NEMP2: variants seen among roughly 807,000 people sequenced by gnomAD.
NEMP2 encodes the protein UPF0571 transmembrane protein.
In NEMP2, 53 loss-of-function variants were observed where a neutral mutation model predicts 54.2. The ratio of observed to expected loss-of-function variants is 0.98; its 90% confidence interval spans 0.78 to 1.23. NEMP2 has a LOEUF of 1.23. Ranked by LOEUF, NEMP2 falls within the 50% of genes most tolerant of loss-of-function variation. NEMP2 has a pLI of 0.00. For synonymous variants in NEMP2, 197 were observed against 190.3 expected, an observed-to-expected ratio of 1.04 and a Z score of -0.29; for missense variants, 455 against 511.3, an observed-to-expected ratio of 0.89 and a Z score of 1.06.
At chr2:190,627,392 C>A in the NEMP2 span, among the ~76,000 whole-genome samples, 1 of 152,186 alleles carries the variant, frequency 6.6e-6, no homozygotes, top group African/African-American at 2.4e-5. The surrounding 1 kb of genome is among the most constrained non-coding windows in gnomAD (Gnocchi z 4.4). Context: ...CTGATTTACT[C>A]TGACCATTCA....
At chr2:190,439,737 C>T in the NEMP2 span, among the ~76,000 whole-genome samples, 1 of 152,234 alleles carries the variant, frequency 6.6e-6, no homozygotes, top group African/African-American at 2.4e-5. This position sits in a 1 kb window ranked among gnomAD's most constrained non-coding sequence, Gnocchi z 5.8. Flanking sequence ...GGTCATATTG[C>T]TCCCAAGAGT....
At chr2:190,440,917 GA>G in the NEMP2 span, among the ~76,000 whole-genome samples, 1 of 152,188 alleles carries the variant, frequency 6.6e-6, no homozygotes, top group South Asian at 2.1e-4. Context: ...GCTGCAGGAT[GA>G]ACCAGAACAG....
chr2:190,642,988 C>CT, the NEMP2 span, among the ~76,000 whole-genome samples: 3 of 78,036 alleles, frequency 3.8e-5, no homozygotes, highest in Non-Finnish European at 7.7e-5. The surrounding 1 kb of genome is among the most constrained non-coding windows in gnomAD (Gnocchi z 4.1). Flanking sequence ...TCACTGAAAA[C>CT]TTTTTTTTAG....
chr2:190,445,861 A>T, the NEMP2 span, among the ~76,000 whole-genome samples: 1 of 151,920 alleles, frequency 6.6e-6, no homozygotes, highest in African/African-American at 2.4e-5. Context: ...AAAGAAGGTC[A>T]TTTTTTTTCC....
At chr2:190,594,726 C>T in the NEMP2 span, among the ~76,000 whole-genome samples, 1 of 152,138 alleles carries the variant, frequency 6.6e-6, no homozygotes. The surrounding 1 kb of genome is among the most constrained non-coding windows in gnomAD (Gnocchi z 5.6). Context: ...TGCCAGTACA[C>T]CCGGCTAATA....
At chr2:190,436,165 A>G in the NEMP2 span, 1 of 1,614,194 alleles carries the variant, frequency 6.2e-7, no homozygotes, top group South Asian at 1.1e-5. The surrounding 1 kb of genome is among the most constrained non-coding windows in gnomAD (Gnocchi z 5.3). Context: ...CTCCACAGAA[A>G]CATCTGCTAT....
chr2:190,464,258 G>A, the NEMP2 span, among the ~76,000 whole-genome samples: 3 of 152,110 alleles, frequency 2.0e-5, no homozygotes, highest in Non-Finnish European at 4.4e-5. Flanking sequence ...TCTTTCATTT[G>A]TATCCAGTGT....
the NEMP2 span, among the ~76,000 whole-genome samples, chr2:190,561,165 C>G: frequency 6.6e-6 from 1 of 152,144 alleles, no homozygotes; most frequent in South Asian, 2.1e-4. This position sits in a 1 kb window ranked among gnomAD's most constrained non-coding sequence, Gnocchi z 5.4. Flanking sequence ...TTCTCTGTGG[C>G]CTTCCCTCCT....
At chr2:190,575,787 C>T in the NEMP2 span, among the ~76,000 whole-genome samples, 135 of 151,530 alleles carry the variant, frequency 8.9e-4, 1 homozygote, top group Admixed American at 2.4e-3. Context: ...ACCAGGGAGG[C>T]GGAGGTTGCA....
the NEMP2 span, among the ~76,000 whole-genome samples, chr2:190,455,934 CTTTTTTTT>C: frequency 7.6e-4 from 50 of 65,394 alleles, no homozygotes; most frequent in African/African-American, 3.0e-3. Flanking sequence ...ATTTACTCTG[CTTTTTTTT>C]TTTTTTTTTT....
At chr2:190,526,298 A>G (rs1424408142) in intron 1 of NEMP2, among the ~76,000 whole-genome samples, 1 of 152,162 alleles carries the variant, frequency 6.6e-6, no homozygotes, top group Non-Finnish European at 1.5e-5. Context: ...GAATCAGCCA[A>G]ACCCAACAGG....
Position 190,513,610 on chromosome 2 carries a change from C to A in NEMP2, c.953+843G>T, listed in dbSNP as rs1384851570. ...ATGGCTGCCATGCATCTGGCCCATGCCCACCTTGCTTGCTGCACTGACAGC... is the reference window on the plus strand; with the variant it reads ...ATGGCTGCCATGCATCTGGCCCATGACCACCTTGCTTGCTGCACTGACAGC... On this transcript the variant is annotated intron_variant, in intron 7 of 8. Coordinates refer to ENST00000409150, the MANE Select transcript of NEMP2 (RefSeq NM_001142645.2). This position sits in a 1 kb window ranked among gnomAD's most constrained non-coding sequence, Gnocchi z 5.3. Among the ~76,000 whole-genome samples, 1 of 152,224 alleles carries A rather than the reference C, an allele frequency of 6.6e-6. No individual in the cohort carries two copies. The highest frequency in any genetic ancestry group is 1.5e-5 in the Non-Finnish European group (1 of 68,034).
the NEMP2 span, among the ~76,000 whole-genome samples, chr2:190,541,678 C>G: frequency 5.1e-4 from 77 of 152,266 alleles, no homozygotes; most frequent in Non-Finnish European, 8.4e-4. The surrounding 1 kb of genome is among the most constrained non-coding windows in gnomAD (Gnocchi z 5.2). Context: ...AATTTTACCA[C>G]TGGGTTTTAA....
chr2:190,608,763 A>G, the NEMP2 span: 2 of 152,242 alleles, frequency 1.3e-5, no homozygotes, highest in East Asian at 1.9e-4. The surrounding 1 kb of genome is among the most constrained non-coding windows in gnomAD (Gnocchi z 4.9). Context: ...AATACAGAAC[A>G]ATGGGATATT....
chr2:190,449,412 T>A, the NEMP2 span, among the ~76,000 whole-genome samples: 1 of 151,894 alleles, frequency 6.6e-6, no homozygotes, highest in Non-Finnish European at 1.5e-5. Context: ...AGATGGAGGT[T>A]GCAGTGAGCC....
rs1367981784 is a variant in NEMP2 at position 190,518,965 on chromosome 2, A to G, written c.432T>C (p.His144=). Residue 144 remains histidine (H), a synonymous_variant, in exon 3 of 9, where the codon CAT becomes CAC. Coordinates refer to ENST00000409150, the MANE Select transcript of NEMP2 (RefSeq NM_001142645.2). Reference sequence around the variant, plus strand: ...AATCGGACTTACTGTTTCGATTCACATGTATCATATAGTTAAATATCTTCT... The same window carrying G: ...AATCGGACTTACTGTTTCGATTCACGTGTATCATATAGTTAAATATCTTCT... ...PVKKIFNYMI[H]VNRNIMDFKL... is the part of the protein sequence containing the mutation. The G allele has an allele frequency of 6.4e-7, 1 of 1,550,542 alleles. No individual in the cohort carries two copies. The highest frequency in any genetic ancestry group is 8.7e-7 in the Non-Finnish European group (1 of 1,146,116).
chr2:190,479,731 A>G, the NEMP2 span, among the ~76,000 whole-genome samples: 1 of 152,132 alleles, frequency 6.6e-6, no homozygotes, highest in African/African-American at 2.4e-5. Flanking sequence ...TGCTATAACT[A>G]AAGAGGTACT....
At chr2:190,551,083 CTTT>C in the NEMP2 span, among the ~76,000 whole-genome samples, 121 of 140,240 alleles carry the variant, frequency 8.6e-4, 1 homozygote, top group South Asian at 6.9e-3. Flanking sequence ...AGCCAATGGA[CTTT>C]TTTTTTTTTT....
the NEMP2 span, among the ~76,000 whole-genome samples, chr2:190,549,677 T>G: frequency 3.9e-5 from 6 of 152,316 alleles, no homozygotes; most frequent in African/African-American, 1.4e-4. Flanking sequence ...AATAGGATTC[T>G]CTTCAAGTTG....
Sources: gnomAD v4.1 joint callset for allele counts (sites outside exome capture counted in the v4.1 genomes callset) on GRCh38, gnomAD v4.1.1 for gene constraint, Gnocchi (gnomAD v3.1) non-coding constraint, MANE v1.5 for transcripts, NCBI Gene and HGNC (gene_info 2026-07-23, HGNC 2026-07-21) for gene names.